Variants in CDH13 observed in about 807,000 individuals in gnomAD.
CDH13 encodes cadherin 13, also known as cadherin-13.
CDH13 carries 24 observed loss-of-function variants against 63.8 expected under a neutral mutation model. The observed-to-expected ratio is 0.38, with a 90% CI of 0.27 to 0.53. CDH13 has a LOEUF of 0.53. CDH13 is among the 20% of genes least tolerant of loss of function. The pLI is 0.85. For synonymous variants in CDH13, 503 were observed against 355.3 expected (o/e 1.42, Z -4.67); for missense variants, 1,049 against 903.1 (o/e 1.16, Z -2.07).
intron 5 of CDH13, among the ~76,000 whole-genome samples, chr16:83,284,036 G>T (rs1328473665): frequency 2.0e-5 from 3 of 152,150 alleles, no homozygotes; most frequent in African/African-American, 7.2e-5. Context: ...ACCATTCTCT[G>T]TGAGATCTGA....
At chr16:83,328,081 C>G (rs1462349669) in intron 5 of CDH13, among the ~76,000 whole-genome samples, 1 of 147,738 alleles carries the variant, frequency 6.8e-6, no homozygotes, top group Non-Finnish European at 1.5e-5. Context: ...TGCAGTGAGC[C>G]GAGATGGCAC....
chr16:83,092,262 A>C (rs1374350720), intron 3 of CDH13, among the ~76,000 whole-genome samples: 2 of 152,228 alleles, frequency 1.3e-5, no homozygotes, highest in Non-Finnish European at 2.9e-5. Context: ...TTTCTAATTC[A>C]AGTCCAGTAG....
At chr16:82,754,076 C>T (rs2034523638) in intron 1 of CDH13, among the ~76,000 whole-genome samples, 1 of 152,170 alleles carries the variant, frequency 6.6e-6, no homozygotes, top group South Asian at 2.1e-4. Flanking sequence ...GGGGCAGCAG[C>T]TGGAGATGAC....
intron 8 of CDH13, among the ~76,000 whole-genome samples, chr16:83,623,483 G>A (rs146967030): frequency 1.8e-4 from 27 of 152,246 alleles, no homozygotes; most frequent in Middle Eastern, 3.4e-3. Context: ...CATCATGGTC[G>A]TCCCCTTCGG....
At chr16:82,979,050 G>A (rs1201434670) in intron 2 of CDH13, among the ~76,000 whole-genome samples, 1 of 152,186 alleles carries the variant, frequency 6.6e-6, no homozygotes, top group Non-Finnish European at 1.5e-5. Flanking sequence ...GAAGTCAAAG[G>A]GGATTATTTT....
chr16:82,654,069 C>T (rs1014560931), intron 1 of CDH13, among the ~76,000 whole-genome samples: 1 of 152,124 alleles, frequency 6.6e-6, no homozygotes, highest in African/African-American at 2.4e-5. Context: ...CCCCTTATGA[C>T]ATAAAGCCGC....
At chr16:83,013,540 C>A (rs1007724591) in intron 2 of CDH13, among the ~76,000 whole-genome samples, 1 of 152,222 alleles carries the variant, frequency 6.6e-6, no homozygotes, top group African/African-American at 2.4e-5. Context: ...CCAATCCTCA[C>A]AAGTGGGATT....
At chr16:82,858,291 G>T in intron 1 of CDH13, 71 bp from the exon 2 acceptor site, 1 of 963,456 alleles carries the variant, frequency 1.0e-6, no homozygotes. Flanking sequence ...TAAAAGTTGC[G>T]GATTTGGCGA....
At chr16:83,186,415 G>T (rs1222415398) in intron 4 of CDH13, among the ~76,000 whole-genome samples, 1 of 152,082 alleles carries the variant, frequency 6.6e-6, no homozygotes, top group Admixed American at 6.5e-5. Context: ...GGGATTACAG[G>T]CCTGAGCCAC....
intron 10 of CDH13, among the ~76,000 whole-genome samples, chr16:83,703,901 T>C (rs1906620998): frequency 6.6e-6 from 1 of 152,180 alleles, no homozygotes; most frequent in Non-Finnish European, 1.5e-5. Flanking sequence ...TCAGCCACCG[T>C]AACATCCATT....
intron 1 of CDH13, among the ~76,000 whole-genome samples, chr16:82,843,784 A>G (rs1387078360): frequency 6.6e-6 from 1 of 152,236 alleles, no homozygotes; most frequent in African/African-American, 2.4e-5. Context: ...CTTTACAGCA[A>G]GGCCGGGTAG....
chr16:82,767,485 G>A (rs943360630), intron 1 of CDH13, among the ~76,000 whole-genome samples: 5 of 152,120 alleles, frequency 3.3e-5, no homozygotes, highest in African/African-American at 7.2e-5. Flanking sequence ...TTTCTGAATC[G>A]GGAAAAACAA....
intron 1 of CDH13, among the ~76,000 whole-genome samples, chr16:82,833,095 C>G (rs191786871): frequency 6.6e-6 from 1 of 152,216 alleles, no homozygotes; most frequent in Non-Finnish European, 1.5e-5. Flanking sequence ...TCCCAGATGG[C>G]AGACAGAAGG....
chr16:82,638,817 A>AGTGTGTGT (rs779050661), intron 1 of CDH13, among the ~76,000 whole-genome samples: 2 of 52,490 alleles, frequency 3.8e-5, no homozygotes, highest in Non-Finnish European at 1.1e-4. Flanking sequence ...TTATTAGGGC[A>AGTGTGTGT]GTGTGTGCGT....
intron 7 of CDH13, among the ~76,000 whole-genome samples, chr16:83,564,187 C>T (rs939488755): frequency 6.6e-6 from 1 of 152,038 alleles, no homozygotes; most frequent in Admixed American, 6.6e-5. Flanking sequence ...TTCTGTGTAC[C>T]AGGTACCAGG....
intron 11 of CDH13, among the ~76,000 whole-genome samples, chr16:83,770,143 A>G (rs985984360): frequency 4.6e-5 from 7 of 152,226 alleles, no homozygotes; most frequent in Admixed American, 1.3e-4. Flanking sequence ...CGCGTGGCTC[A>G]TGTTTCTTGG....
chr16:83,589,021 C>T (rs1906453980), intron 7 of CDH13, among the ~76,000 whole-genome samples: 1 of 152,166 alleles, frequency 6.6e-6, no homozygotes, highest in South Asian at 2.1e-4. Flanking sequence ...ATATATTATC[C>T]TACAGAGCTA....
intron 11 of CDH13, among the ~76,000 whole-genome samples, chr16:83,769,145 A>G (rs527623326): frequency 5.9e-5 from 9 of 152,308 alleles, no homozygotes; most frequent in African/African-American, 2.2e-4. Flanking sequence ...GGGTGAAGTC[A>G]TAGGAAGGGG....
intron 2 of CDH13, among the ~76,000 whole-genome samples, chr16:82,874,952 G>T (rs140019513): frequency 3.9e-4 from 60 of 152,290 alleles, no homozygotes; most frequent in African/African-American, 1.2e-3. Context: ...TAATCAAATC[G>T]CATTGTCCAA....
Sources: gnomAD v4.1 joint callset for allele counts (sites outside exome capture counted in the v4.1 genomes callset) on GRCh38, gnomAD v4.1.1 for gene constraint, MANE v1.5 for transcripts, NCBI Gene and HGNC (gene_info 2026-07-23, HGNC 2026-07-21) for gene names.